Variants in ADAM22 observed in about 807,000 individuals in gnomAD.
ADAM22 encodes ADAM metallopeptidase domain 22.
ADAM22 carries 65 observed loss-of-function variants against 144.6 expected under a neutral mutation model. That is an observed-to-expected ratio of 0.45 (90% CI 0.37 to 0.55). The LOEUF (loss-of-function observed/expected upper bound fraction) is 0.55, where lower values mean the gene tolerates loss of function less well. Ranked by LOEUF, ADAM22 falls within the 20% of genes least tolerant of loss-of-function variation. The pLI, the probability that ADAM22 is intolerant of heterozygous loss-of-function variation, is 0.00. For synonymous variants in ADAM22, 391 were observed against 412.6 expected, an observed-to-expected ratio of 0.95 and a Z score of 0.63; for missense variants, 974 against 1,184.9, an observed-to-expected ratio of 0.82 and a Z score of 2.61.
rs11976508 is a variant in ADAM22 at position 88,126,834 on chromosome 7, T to C, written c.678+1175T>C. ...GGATTTTGGATTTTCAGATGAGAGA[T>C]ACTTAACCTATAATATCCTCATTTT... On this transcript the variant is annotated intron_variant, in intron 8 of 31. Transcript: ENST00000413139. 3.9e-3 allele frequency among the ~76,000 whole-genome samples: 589 copies of C among 152,014 alleles called. 4 individuals are homozygous for C. The highest frequency in any genetic ancestry group is 0.013 in the African/African-American group (556 of 41,506).
At chr7:88,113,703 A>AATGTGCATAT (rs1554478727) in intron 5 of ADAM22, among the ~76,000 whole-genome samples, 2 of 48,108 alleles carry the variant, frequency 4.2e-5, no homozygotes, top group South Asian at 2.4e-3. Context: ...TAAATAAATA[A>AATGTGCATAT]ATATATATAT....
chr7:88,187,604 G>A (rs1848601311), intron 30 of ADAM22, among the ~76,000 whole-genome samples: 1 of 152,068 alleles, frequency 6.6e-6, no homozygotes, highest in African/African-American at 2.4e-5. Flanking sequence ...CTACTTTGTG[G>A]ACAACTAAGG....
At chr7:88,112,679 C>T (rs886485855) in intron 5 of ADAM22, among the ~76,000 whole-genome samples, 17 of 152,214 alleles carry the variant, frequency 1.1e-4, no homozygotes, top group African/African-American at 3.1e-4. Context: ...GGCTGGTAGC[C>T]ACCCCCAGCC....
At chr7:88,190,341 C>T (rs1849340474) in intron 30 of ADAM22, among the ~76,000 whole-genome samples, 1 of 152,028 alleles carries the variant, frequency 6.6e-6, no homozygotes, top group South Asian at 2.1e-4. Flanking sequence ...TTGAGACCAG[C>T]CTGGCCATCA....
chr7:87,988,828 C>G (rs1584854332), intron 3 of ADAM22, among the ~76,000 whole-genome samples: 1 of 152,186 alleles, frequency 6.6e-6, no homozygotes, highest in Non-Finnish European at 1.5e-5. Flanking sequence ...CTAACCCTCT[C>G]TAGTAGACAT....
intron 30 of ADAM22, among the ~76,000 whole-genome samples, chr7:88,187,217 A>T (rs1166204401): frequency 6.6e-6 from 1 of 152,206 alleles, no homozygotes; most frequent in Non-Finnish European, 1.5e-5. Context: ...AATTACTGAG[A>T]CAACATTGAC....
intron 4 of ADAM22, among the ~76,000 whole-genome samples, chr7:88,094,844 A>G (rs1431255356): frequency 4.6e-5 from 7 of 152,234 alleles, no homozygotes; most frequent in Non-Finnish European, 1.0e-4. Flanking sequence ...TTTTAACTCC[A>G]GGACATATCT....
intron 18 of ADAM22, among the ~76,000 whole-genome samples, chr7:88,150,297 C>G (rs1837951019): frequency 6.6e-6 from 1 of 152,182 alleles, no homozygotes; most frequent in Non-Finnish European, 1.5e-5. Context: ...CCAGTTTCCT[C>G]TCTTGGTATT....
At chr7:88,090,441 A>G (rs1819563748) in intron 4 of ADAM22, among the ~76,000 whole-genome samples, 1 of 152,192 alleles carries the variant, frequency 6.6e-6, no homozygotes, top group Non-Finnish European at 1.5e-5. Flanking sequence ...GTGACTTGCA[A>G]AAATTTATTT....
At chr7:88,084,490 C>T (rs1197685677) in intron 4 of ADAM22, among the ~76,000 whole-genome samples, 2 of 152,128 alleles carry the variant, frequency 1.3e-5, no homozygotes, top group African/African-American at 2.4e-5. Context: ...CAAAATTCTC[C>T]TCTGGGTTTT....
intron 3 of ADAM22, among the ~76,000 whole-genome samples, chr7:87,991,609 A>G (rs923016129): frequency 1.4e-5 from 2 of 146,992 alleles, no homozygotes; most frequent in African/African-American, 2.5e-5. Flanking sequence ...CTCATGATCC[A>G]CCCGCCTCGG....
chr7:88,178,822 A>G (rs1846301421), intron 26 of ADAM22, 113 bp from the exon 27 acceptor site: 1 of 529,692 alleles, frequency 1.9e-6, no homozygotes, highest in Non-Finnish European at 3.2e-6. Context: ...GATAGATTTG[A>G]TTCATGTAGA....
intron 2 of ADAM22, among the ~76,000 whole-genome samples, chr7:87,955,369 G>A (rs1185697745): frequency 6.6e-6 from 1 of 152,180 alleles, no homozygotes; most frequent in Admixed American, 6.5e-5. Flanking sequence ...ACCCTCAGCT[G>A]CAGGTCTGTT....
chr7:88,095,594 TTTTC>T (rs1161021506), intron 4 of ADAM22, among the ~76,000 whole-genome samples: 1 of 152,144 alleles, frequency 6.6e-6, no homozygotes, highest in Non-Finnish European at 1.5e-5. Flanking sequence ...CATTCATGCG[TTTTC>T]TTTCTAAGGT....
chr7:87,987,919 C>T (rs1225868292), intron 3 of ADAM22, among the ~76,000 whole-genome samples: 1 of 152,150 alleles, frequency 6.6e-6, no homozygotes, highest in Non-Finnish European at 1.5e-5. Context: ...GCAGATTGTA[C>T]TGTATACCCT....
rs186904476 is a variant in ADAM22 at position 88,125,654 on chromosome 7, C to T, written c.673C>T (p.Arg225Trp). 124 of 1,590,174 alleles carry T rather than the reference C, an allele frequency of 7.8e-5. No homozygotes were observed. Among genetic ancestry groups the T allele is most frequent in the Non-Finnish European group, 9.5e-5 (111 of 1,169,968 alleles). The change falls in exon 8 of 32, where the codon CGG becomes TGG. Residue 225 changes from arginine (R) to tryptophan (W), a missense_variant. By Grantham distance (101) the Arg-to-Trp change is moderately radical. Coordinates refer to ENST00000413139, the MANE Select transcript of ADAM22 (RefSeq NM_001324418.2). ...GAAGCCAAGACCAAAAAGGAGTAAA[C>T]GGCAGGTATGTATTCACAGTGGTGT... ...ILKPRPKRSKRQLRRYPRNVE... is the reference protein window; with the variant it reads ...ILKPRPKRSKWQLRRYPRNVE...
chr7:88,074,125 A>G (rs1048180014), intron 3 of ADAM22, among the ~76,000 whole-genome samples: 1 of 152,200 alleles, frequency 6.6e-6, no homozygotes, highest in Non-Finnish European at 1.5e-5. Flanking sequence ...CAGCCTCCCA[A>G]GACAAAGAAT....
intron 4 of ADAM22, among the ~76,000 whole-genome samples, chr7:88,095,596 T>C (rs1334292834): frequency 6.6e-6 from 1 of 152,200 alleles, no homozygotes; most frequent in African/African-American, 2.4e-5. Context: ...TTCATGCGTT[T>C]TCTTTCTAAG....
At chr7:88,116,044 A>G (rs1827673715) in intron 6 of ADAM22, among the ~76,000 whole-genome samples, 1 of 152,064 alleles carries the variant, frequency 6.6e-6, no homozygotes, top group South Asian at 2.1e-4. Context: ...CCCATAAACC[A>G]TCTTGTTTGG....
Sources: allele counts gnomAD v4.1 joint callset (sites outside exome capture counted in the v4.1 genomes callset), GRCh38; gene constraint gnomAD v4.1.1; transcripts MANE v1.5; gene names NCBI Gene and HGNC (gene_info 2026-07-23, HGNC 2026-07-21).